The following FREM1 variants were observed in gnomAD, a reference collection of about 807,000 sequenced individuals.
FREM1 encodes the protein FRAS1 related extracellular matrix 1.
A neutral mutation model predicts 210.1 loss-of-function variants in FREM1; 220 were observed. That is an observed-to-expected ratio of 1.05 (90% CI 0.94 to 1.17). FREM1 has a LOEUF of 1.17. FREM1 is among the 50% of genes most tolerant of loss of function. The probability of loss-of-function intolerance (pLI) is 0.00; values close to 1 mark genes in which losing one functional copy is unlikely to be tolerated. For synonymous variants in FREM1, 1,189 were observed against 980.2 expected (o/e 1.21, Z -3.98); for missense variants, 3,454 against 2,675.5 (o/e 1.29, Z -6.42).
intron 8 of FREM1, among the ~76,000 whole-genome samples, chr9:14,843,751 A>G (rs1285115671): frequency 7.1e-6 from 1 of 140,994 alleles, no homozygotes; most frequent in African/African-American, 2.6e-5. Context: ...ACCATCTGGA[A>G]AGTTTTAGAA....
At chr9:14,908,096 T>C (rs1818096522) in intron 1 of FREM1, among the ~76,000 whole-genome samples, 1 of 152,174 alleles carries the variant, frequency 6.6e-6, no homozygotes, top group African/African-American at 2.4e-5. Flanking sequence ...GGGGCTCTGA[T>C]GGCCATGTCC....
At chr9:14,806,986 T>C in intron 17 of FREM1, 140 bp from the exon 18 acceptor site, 1 of 531,728 alleles carries the variant, frequency 1.9e-6, no homozygotes, top group Non-Finnish European at 3.3e-6. Flanking sequence ...ATGTTCATTT[T>C]CTTTGGCATC....
chr9:14,905,250 C>T (rs1214144621), intron 1 of FREM1, among the ~76,000 whole-genome samples: 3 of 152,026 alleles, frequency 2.0e-5, no homozygotes, highest in Non-Finnish European at 4.4e-5. Context: ...AAATACCAGA[C>T]CTATTTTTTA....
intron 1 of FREM1, among the ~76,000 whole-genome samples, chr9:14,879,874 C>G (rs184112348): frequency 1.8e-4 from 27 of 152,160 alleles, no homozygotes; most frequent in African/African-American, 6.5e-4. Context: ...TTGGTAGGTA[C>G]AATATGATAG....
intron 2 of FREM1, among the ~76,000 whole-genome samples, chr9:14,866,001 A>G (rs1385990021): frequency 6.6e-6 from 1 of 152,222 alleles, no homozygotes; most frequent in Admixed American, 6.5e-5. Context: ...ATTAGAAGAT[A>G]TAAATCCCAT....
intron 35 of FREM1, among the ~76,000 whole-genome samples, chr9:14,741,174 C>G (rs1841512773): frequency 6.6e-6 from 1 of 151,898 alleles, no homozygotes; most frequent in Non-Finnish European, 1.5e-5. Context: ...ATCTTTTTGC[C>G]TGGTTAATAT....
At chr9:14,780,349 G>A (rs1242651495) in intron 24 of FREM1, among the ~76,000 whole-genome samples, 3 of 149,588 alleles carry the variant, frequency 2.0e-5, no homozygotes, top group African/African-American at 7.4e-5. Flanking sequence ...TGCATTGCCT[G>A]GCAATAGAGT....
intron 29 of FREM1, 138 bp from the exon 30 acceptor site, chr9:14,750,414 A>C (rs1252528422): frequency 1.6e-6 from 1 of 606,384 alleles, no homozygotes; most frequent in Non-Finnish European, 2.8e-6. Context: ...CAACTCACTG[A>C]AGTCCTGCTG....
Position 14,808,030 on chromosome 9 carries a change from G to A in FREM1, c.2998C>T (p.Pro1000Ser), listed in dbSNP as rs765484719. Residue 1000 changes from proline (P) to serine (S), a missense_variant, in exon 17 of 37, where the codon CCA becomes TCA. Coordinates refer to ENST00000380880, the MANE Select transcript of FREM1 (RefSeq NM_001379081.2). Reference protein sequence around the residue: ...VNGCCYNGPNPSVPLHASFPV... With the variant: ...VNGCCYNGPNSSVPLHASFPV... ...AAGGACGCATGAAGTGGAACAGATG[G>A]ATTGGGTCCATTGTAGCAACAGCCA... 4 of 1,613,602 alleles carry A rather than the reference G, an allele frequency of 2.5e-6. No individual in the cohort carries two copies. Among genetic ancestry groups the A allele is most frequent in the Non-Finnish European group, 3.4e-6 (4 of 1,179,534 alleles).
chr9:14,767,408 C>T (rs1846634881), intron 27 of FREM1, among the ~76,000 whole-genome samples: 1 of 152,148 alleles, frequency 6.6e-6, no homozygotes. Flanking sequence ...AGAAGTTCTT[C>T]AGTGTGCTGA....
At position 14,869,011 on chromosome 9, in the gene FREM1, C is replaced by T. The variant is rs1490933676; in HGVS notation, c.-34G>A. The T allele has an allele frequency of 4.9e-6, 7 of 1,437,068 alleles. No homozygotes were observed. The highest frequency in any genetic ancestry group is 2.5e-4 in the Middle Eastern group (1 of 4,072). 89.0% of individuals were successfully genotyped at this position (1,437,068 alleles called of 1,614,324 possible). A position where few individuals can be genotyped will look rare whatever the true frequency, so the allele number is the denominator to read the frequency against. On this transcript the variant is annotated 5_prime_UTR_variant, in exon 2 of 37. Coordinates refer to ENST00000380880, the MANE Select transcript of FREM1 (RefSeq NM_001379081.2). ...GGCCCAACTCTTCTCTGTCCACCGGCGAAATCCCTTTAACAAAGGAGGGCT... is the reference window on the plus strand; with the variant it reads ...GGCCCAACTCTTCTCTGTCCACCGGTGAAATCCCTTTAACAAAGGAGGGCT...
intron 3 of FREM1, among the ~76,000 whole-genome samples, chr9:14,860,300 G>A (rs1191963445): frequency 2.6e-5 from 4 of 151,808 alleles, no homozygotes; most frequent in East Asian, 3.9e-4. Context: ...CAGTAAGAGG[G>A]GAACAAACAT....
intron 35 of FREM1, among the ~76,000 whole-genome samples, chr9:14,744,945 G>C (rs544914073): frequency 6.9e-4 from 105 of 152,270 alleles, no homozygotes; most frequent in Non-Finnish European, 1.2e-3. Flanking sequence ...CCATAAAAAA[G>C]AACAAGATTA....
chr9:14,823,906 A>C (rs781694072), intron 12 of FREM1, 119 bp downstream of exon 12: 5 of 501,130 alleles, frequency 1.0e-5, no homozygotes, highest in Non-Finnish European at 1.8e-5. Flanking sequence ...GCAAGTATAA[A>C]GATGTCAAGT....
intron 13 of FREM1, 46 bp from the exon 14 acceptor site, chr9:14,819,488 C>T: frequency 8.4e-7 from 1 of 1,193,552 alleles, no homozygotes; most frequent in Non-Finnish European, 1.2e-6. Context: ...TTTTCCATGA[C>T]CCCTGAAGAC....
At chr9:14,783,422 G>A (rs1351748875) in intron 24 of FREM1, among the ~76,000 whole-genome samples, 2 of 152,148 alleles carry the variant, frequency 1.3e-5, no homozygotes, top group African/African-American at 4.8e-5. Flanking sequence ...ATTGTGACGT[G>A]GTGAAAATTG....
chr9:14,776,218 C>G lies in FREM1; in HGVS notation c.4443-15G>C. On this transcript the variant is annotated splice_polypyrimidine_tract_variant and intron_variant, in intron 24 of 36. Transcript: ENST00000380880. ...TGATGATGAATCTGGTAAAGAGAGG[C>G]AAGGCAGCCTTCAGCATGGATTCTT... 6.6e-7 allele frequency: 1 copy of G among 1,510,954 alleles called. No homozygotes were observed. Among genetic ancestry groups the G allele is most frequent in the Non-Finnish European group, 8.8e-7 (1 of 1,130,280 alleles). 93.6% of individuals were successfully genotyped at this position (1,510,954 alleles called of 1,614,324 possible).
intron 1 of FREM1, among the ~76,000 whole-genome samples, chr9:14,884,873 T>C (rs975737082): frequency 6.8e-6 from 1 of 146,920 alleles, no homozygotes; most frequent in Non-Finnish European, 1.5e-5. Context: ...TTCCCCCTCC[T>C]ATGCCCAGCA....
In FREM1 at chr9:14,836,966, A is replaced by G. The variant is rs2131098030; in HGVS notation, c.1881+4481T>C. 6.6e-6 allele frequency among the ~76,000 whole-genome samples: 1 copy of G among 152,334 alleles called. No individual in the cohort carries two copies. The highest frequency in any genetic ancestry group is 2.4e-5 in the African/African-American group (1 of 41,572). On this transcript the variant is annotated intron_variant, in intron 10 of 36. Coordinates refer to ENST00000380880, the MANE Select transcript of FREM1 (RefSeq NM_001379081.2). This position sits in a 1 kb window ranked among gnomAD's most constrained non-coding sequence, Gnocchi z 4.9. ...TTGGGTAGTTTTCGTCTTTTAAAGC[A>G]TATCCGGAAAAGTTTCTTGTAAAGC...
Sources: gnomAD v4.1 joint callset for allele counts (sites outside exome capture counted in the v4.1 genomes callset) on GRCh38, gnomAD v4.1.1 for gene constraint, Gnocchi (gnomAD v3.1) non-coding constraint, MANE v1.5 for transcripts, NCBI Gene and HGNC (gene_info 2026-07-23, HGNC 2026-07-21) for gene names.